The following GRID1 variants were observed in gnomAD, a reference collection of about 807,000 sequenced individuals.
GRID1 encodes glutamate receptor ionotropic, delta-1.
In GRID1, 28 loss-of-function variants were observed where a neutral mutation model predicts 98.0. That is an observed-to-expected ratio of 0.29 (90% CI 0.21 to 0.39). GRID1 has a LOEUF of 0.39. GRID1 is among the 10% of genes least tolerant of loss of function. GRID1 has a pLI of 1.00. For missense variants in GRID1, 1,111 were observed against 1,340.5 expected (o/e 0.83, Z 2.67); for synonymous variants, 553 against 538.5 (o/e 1.03, Z -0.37).
chr10:85,619,468 A>G (rs1326503960), intron 14 of GRID1, among the ~76,000 whole-genome samples: 2 of 152,104 alleles, frequency 1.3e-5, no homozygotes, highest in Non-Finnish European at 2.9e-5. Context: ...CTAATTATTC[A>G]TTTTTCTGGC....
chr10:86,045,898 T>C (rs752487999), intron 4 of GRID1, among the ~76,000 whole-genome samples: 25 of 152,088 alleles, frequency 1.6e-4, no homozygotes, highest in Non-Finnish European at 3.2e-4. Flanking sequence ...ATGCCAGTGG[T>C]TTACAAACTC....
At chr10:86,157,600 G>A (rs1310661789) in intron 3 of GRID1, among the ~76,000 whole-genome samples, 2 of 152,190 alleles carry the variant, frequency 1.3e-5, no homozygotes, top group South Asian at 2.1e-4. Flanking sequence ...CTCTCCTCCA[G>A]GTGCTCACCA....
intron 4 of GRID1, among the ~76,000 whole-genome samples, chr10:85,922,108 C>T (rs1841713832): frequency 2.6e-5 from 4 of 152,190 alleles, no homozygotes; most frequent in Admixed American, 2.6e-4. Context: ...TTCCTTTGGT[C>T]ATGCTGCTCT....
intron 2 of GRID1, among the ~76,000 whole-genome samples, chr10:86,249,849 C>T (rs948681438): frequency 6.6e-6 from 1 of 152,198 alleles, no homozygotes; most frequent in African/African-American, 2.4e-5. Flanking sequence ...GTTCCTGGTA[C>T]AGTAACTCCT....
intron 12 of GRID1, among the ~76,000 whole-genome samples, chr10:85,681,358 A>C (rs534535296): frequency 6.6e-6 from 1 of 151,934 alleles, no homozygotes; most frequent in East Asian, 1.9e-4. Context: ...TAATTCAAAC[A>C]ACACCTATGA....
intron 5 of GRID1, among the ~76,000 whole-genome samples, chr10:85,914,323 C>T (rs1199187957): frequency 2.0e-5 from 3 of 152,132 alleles, no homozygotes; most frequent in Non-Finnish European, 4.4e-5. Context: ...TTGGAGGATT[C>T]ATCAAAAAAG....
chr10:86,119,830 G>A (rs183934592), intron 4 of GRID1, among the ~76,000 whole-genome samples: 81 of 152,030 alleles, frequency 5.3e-4, no homozygotes, highest in East Asian at 4.1e-3. Flanking sequence ...TCACTCTGTC[G>A]CCCAGGCTGG....
rs138467968 is a variant in GRID1, at chr10:85,966,171, C to A, written c.727-49932G>T. 2.0e-5 allele frequency among the ~76,000 whole-genome samples: 3 copies of A among 152,278 alleles called. No homozygotes were observed. The East Asian group carries it at 5.8e-4, about 29-fold the overall frequency. The stretch of plus-strand genomic sequence containing the variant: ...GGTAGGAAAAGCCCTGTCCTTAGAG[C>A]ACTTGTTAAAAACAATTAGAAGCAA... On this transcript the variant is annotated intron_variant, in intron 4 of 15. Coordinates refer to ENST00000327946, the MANE Select transcript of GRID1 (RefSeq NM_017551.3).
chr10:85,613,754 G>C, intron 14 of GRID1, 107 bp from the exon 15 acceptor site: 1 of 1,313,278 alleles, frequency 7.6e-7, no homozygotes, highest in Non-Finnish European at 1.1e-6. Context: ...ACAACATTGA[G>C]CCATCCTAGC....
chr10:85,963,885 C>A (rs1842303694), intron 4 of GRID1, among the ~76,000 whole-genome samples: 1 of 152,160 alleles, frequency 6.6e-6, no homozygotes, highest in African/African-American at 2.4e-5. Context: ...CTTAAAAGGT[C>A]CTCATATCTA....
At chr10:85,869,255 T>C in intron 5 of GRID1, 75 bp from the exon 6 acceptor site, 2 of 1,332,238 alleles carry the variant, frequency 1.5e-6, no homozygotes, top group Non-Finnish European at 1.1e-6. Flanking sequence ...AGGAGGCATC[T>C]AGGCCAGCAG....
chr10:86,332,399 C>T (rs1280607526), intron 2 of GRID1, among the ~76,000 whole-genome samples: 3 of 152,082 alleles, frequency 2.0e-5, no homozygotes, highest in Admixed American at 6.5e-5. Context: ...CCCTGCAGCT[C>T]AGAACGCCTC....
chr10:86,082,881 G>A (rs1478825930), intron 4 of GRID1, among the ~76,000 whole-genome samples: 1 of 152,158 alleles, frequency 6.6e-6, no homozygotes, highest in Non-Finnish European at 1.5e-5. Flanking sequence ...CCTTTGTAGT[G>A]TGTTCCCAGC....
intron 2 of GRID1, among the ~76,000 whole-genome samples, chr10:86,273,696 C>T (rs1847222579): frequency 6.6e-6 from 1 of 152,104 alleles, no homozygotes; most frequent in Non-Finnish European, 1.5e-5. Flanking sequence ...TGTTTTTTGG[C>T]TGCATAAATG....
At chr10:85,772,949 G>A (rs1219748096) in intron 8 of GRID1, among the ~76,000 whole-genome samples, 10 of 152,152 alleles carry the variant, frequency 6.6e-5, no homozygotes, top group African/African-American at 9.7e-5. Context: ...TAGAAAAAGA[G>A]GGAATCCTCC....
In GRID1 at chr10:86,357,780, G is replaced by A. The variant is rs145311445; in HGVS notation, c.235+6161C>T. Among the ~76,000 whole-genome samples, 5 of 152,238 alleles carry A rather than the reference G, an allele frequency of 3.3e-5. No individual in the cohort carries two copies. The East Asian group carries it at 9.7e-4, about 29-fold the overall frequency. ...GGGGAATCCAGAGAGGGGACCCAGG[G>A]CCTAACTCCAGACTATCAATGCCTG... On this transcript the variant is annotated intron_variant, in intron 2 of 15. Transcript: ENST00000327946.
chr10:85,666,867 G>T (rs1026126812), intron 12 of GRID1, among the ~76,000 whole-genome samples: 1 of 152,068 alleles, frequency 6.6e-6, no homozygotes, highest in African/African-American at 2.4e-5. Context: ...CCCAGGTCTC[G>T]CACTAACACC....
intron 4 of GRID1, among the ~76,000 whole-genome samples, chr10:86,086,116 C>A (rs1193064151): frequency 2.0e-5 from 3 of 152,056 alleles, no homozygotes; most frequent in Non-Finnish European, 4.4e-5. Context: ...ATCACCACCC[C>A]CAAGAAGCCC....
chr10:86,095,076 AC>A (rs1347606709), intron 4 of GRID1, among the ~76,000 whole-genome samples: 1 of 152,200 alleles, frequency 6.6e-6, no homozygotes, highest in East Asian at 1.9e-4. Flanking sequence ...GACAAAGCAA[AC>A]AAAAAAATAA....
Sources: allele counts gnomAD v4.1 joint callset (sites outside exome capture counted in the v4.1 genomes callset), GRCh38; gene constraint gnomAD v4.1.1; transcripts MANE v1.5; gene names NCBI Gene and HGNC (gene_info 2026-07-23, HGNC 2026-07-21).